The following ADGRL2 variants were observed in gnomAD, a reference collection of about 807,000 sequenced individuals.
ADGRL2 encodes adhesion G protein-coupled receptor L2.
A neutral mutation model predicts 157.4 loss-of-function variants in ADGRL2; 44 were observed. The observed-to-expected ratio is 0.28, with a 90% CI of 0.22 to 0.36. The LOEUF is 0.36. Among genes scored for constraint, ADGRL2 ranks in the 10% least tolerant of loss-of-function variants. The pLI is 1.00. For synonymous variants in ADGRL2, 585 were observed against 624.7 expected (o/e 0.94, Z 0.95); for missense variants, 1,510 against 1,768.9 (o/e 0.85, Z 2.63).
intron 1 of ADGRL2, among the ~76,000 whole-genome samples, chr1:81,324,331 C>T (rs377528926): frequency 3.4e-4 from 43 of 126,962 alleles, no homozygotes; most frequent in African/African-American, 1.3e-3. Flanking sequence ...TGGCAAAACC[C>T]TGTCTCTACA....
chr1:81,358,491 T>A (rs2075909815), intron 1 of ADGRL2, among the ~76,000 whole-genome samples: 1 of 152,130 alleles, frequency 6.6e-6, no homozygotes, highest in Non-Finnish European at 1.5e-5. Context: ...ATAATCCCAA[T>A]TCAAAAACAG....
Position 81,721,092 on chromosome 1 carries a change from G to C in ADGRL2, c.-143+21284G>C, listed in dbSNP as rs187851719. Among the ~76,000 whole-genome samples, 105 of 143,330 alleles carry C rather than the reference G, an allele frequency of 7.3e-4. 2 individuals are homozygous for C. In the East Asian group the frequency reaches 0.02, roughly 27 times the overall value. The allele number at this position is 143,330 out of a possible 152,430, so 94.0% of individuals were successfully genotyped here. ...TTGCTATGTTGCCTGGACTGGTCTC[G>C]ATCTCCTAGACACAAGCGATCCTCC... On this transcript the variant is annotated intron_variant, in intron 1 of 20. Transcript: ENST00000359929.
At chr1:81,411,125 A>G (rs1327029563) in intron 1 of ADGRL2, among the ~76,000 whole-genome samples, 3 of 152,218 alleles carry the variant, frequency 2.0e-5, no homozygotes, top group African/African-American at 4.8e-5. Flanking sequence ...CACATTATCC[A>G]AGGGCATTCT....
At chr1:81,547,576 T>C (rs1221688694) in intron 2 of ADGRL2, among the ~76,000 whole-genome samples, 1 of 152,230 alleles carries the variant, frequency 6.6e-6, no homozygotes, top group Non-Finnish European at 1.5e-5. Flanking sequence ...CATTTAAGAC[T>C]CTCGAGTATT....
chr1:81,582,513 T>C (rs2080936741), intron 3 of ADGRL2, among the ~76,000 whole-genome samples: 1 of 152,066 alleles, frequency 6.6e-6, no homozygotes, highest in Admixed American at 6.6e-5. Flanking sequence ...ATTCACTCAC[T>C]GTAGCATCAA....
chr1:81,912,727 A>G (rs573843819), intron 3 of ADGRL2, among the ~76,000 whole-genome samples: 1 of 152,332 alleles, frequency 6.6e-6, no homozygotes, highest in African/African-American at 2.4e-5. Flanking sequence ...GTAGCAAAGT[A>G]CAAAAGAGAT....
intron 1 of ADGRL2, among the ~76,000 whole-genome samples, chr1:81,402,377 T>A (rs933089473): frequency 3.9e-5 from 6 of 152,162 alleles, no homozygotes; most frequent in Admixed American, 3.9e-4. Flanking sequence ...CTTCCGTGAT[T>A]AATCACATAC....
intron 1 of ADGRL2, among the ~76,000 whole-genome samples, chr1:81,386,325 C>G (rs1193492594): frequency 6.6e-6 from 1 of 152,122 alleles, no homozygotes; most frequent in Non-Finnish European, 1.5e-5. Flanking sequence ...GACCAGCATT[C>G]CTTGGTGTGT....
At chr1:81,553,805 A>G (rs890872080) in intron 2 of ADGRL2, among the ~76,000 whole-genome samples, 6 of 152,220 alleles carry the variant, frequency 3.9e-5, no homozygotes, top group African/African-American at 1.4e-4. Context: ...TAACTTGCTC[A>G]TAATGGAGAA....
intron 3 of ADGRL2, among the ~76,000 whole-genome samples, chr1:81,675,963 G>C (rs1425092456): frequency 1.3e-5 from 2 of 152,050 alleles, no homozygotes; most frequent in Non-Finnish European, 2.9e-5. Flanking sequence ...TTTATGGTTT[G>C]TTTTGATTCA....
chr1:81,471,432 C>T (rs946909550), intron 2 of ADGRL2, among the ~76,000 whole-genome samples: 1 of 152,126 alleles, frequency 6.6e-6, no homozygotes. Context: ...TTATCAGCCT[C>T]TGTAGCCACT....
chr1:81,415,850 T>TTG (rs10649902), intron 1 of ADGRL2, among the ~76,000 whole-genome samples: 24,659 of 151,412 alleles, frequency 0.16, 2,301 homozygotes, highest in South Asian at 0.29. Flanking sequence ...TTCCTTTTTT[T>TTG]TTTTTTTTGA....
chr1:81,979,493 C>A (rs931863906), intron 17 of ADGRL2, among the ~76,000 whole-genome samples: 1 of 151,686 alleles, frequency 6.6e-6, no homozygotes, highest in African/African-American at 2.4e-5. Context: ...GGTTTCAAAC[C>A]CAGCAATTTT....
intron 2 of ADGRL2, among the ~76,000 whole-genome samples, chr1:81,483,267 T>C (rs1204191448): frequency 6.6e-6 from 1 of 152,198 alleles, no homozygotes; most frequent in African/African-American, 2.4e-5. Flanking sequence ...TGAGTCTTAC[T>C]TAAGCCATTT....
intron 11 of ADGRL2, among the ~76,000 whole-genome samples, chr1:81,961,509 C>CTTTTTT (rs5775655): frequency 7.3e-6 from 1 of 137,326 alleles, no homozygotes; most frequent in African/African-American, 2.7e-5. Flanking sequence ...AATTTTCTTT[C>CTTTTTT]TTTTTTTTTT....
intron 11 of ADGRL2, among the ~76,000 whole-genome samples, chr1:81,963,287 C>G (rs964669553): frequency 1.2e-4 from 18 of 151,986 alleles, no homozygotes; most frequent in African/African-American, 4.3e-4. Flanking sequence ...CTTAGTATTT[C>G]TGATAGTTTA....
chr1:81,697,306 A>G (rs2083464796), upstream of ADGRL2, among the ~76,000 whole-genome samples: 1 of 152,212 alleles, frequency 6.6e-6, no homozygotes, highest in South Asian at 2.1e-4. Context: ...GTTTCTTGTG[A>G]CATAATTTAC....
chr1:81,917,761 T>G (rs1246376514), intron 3 of ADGRL2, among the ~76,000 whole-genome samples: 1 of 152,148 alleles, frequency 6.6e-6, no homozygotes, highest in Non-Finnish European at 1.5e-5. Context: ...GGTCTTTCTG[T>G]TTGTTTTTTC....
At chr1:81,636,658 C>G (rs1018303103) in intron 3 of ADGRL2, among the ~76,000 whole-genome samples, 25 of 152,188 alleles carry the variant, frequency 1.6e-4, no homozygotes, top group African/African-American at 5.8e-4. Flanking sequence ...CTCGCCAGAA[C>G]CATTAATTTA....
Sources: gnomAD v4.1 joint callset for allele counts (sites outside exome capture counted in the v4.1 genomes callset) on GRCh38, gnomAD v4.1.1 for gene constraint, MANE v1.5 for transcripts, NCBI Gene and HGNC (gene_info 2026-07-23, HGNC 2026-07-21) for gene names.